FERMT2: variants seen among roughly 807,000 people sequenced by gnomAD.
FERMT2 encodes fermitin family homolog 2.
Under a neutral mutation model 82.7 loss-of-function variants are expected in FERMT2, and 15 were observed. The ratio of observed to expected loss-of-function variants is 0.18; its 90% confidence interval spans 0.12 to 0.28. FERMT2 has a LOEUF of 0.28. Ranked by LOEUF, FERMT2 falls within the 10% of genes least tolerant of loss-of-function variation. FERMT2 has a pLI of 1.00. For missense variants in FERMT2, 645 were observed against 809.4 expected, an observed-to-expected ratio of 0.80 and a Z score of 2.46; for synonymous variants, 274 against 271.5, an observed-to-expected ratio of 1.01 and a Z score of -0.09.
At chr14:52,870,216 C>A (rs7141335) in intron 10 of FERMT2, among the ~76,000 whole-genome samples, 3 of 151,412 alleles carry the variant, frequency 2.0e-5, no homozygotes, top group African/African-American at 7.3e-5. Flanking sequence ...TCCTGCAAGC[C>A]CCATTCATGG....
intron 4 of FERMT2, among the ~76,000 whole-genome samples, chr14:52,884,671 C>T (rs1263461552): frequency 6.6e-6 from 1 of 152,056 alleles, no homozygotes; most frequent in African/African-American, 2.4e-5. Flanking sequence ...TGTACTATAA[C>T]TTACGTAAGC....
chr14:52,888,695 T>C (rs140757344), intron 4 of FERMT2, among the ~76,000 whole-genome samples: 10 of 152,330 alleles, frequency 6.6e-5, no homozygotes, highest in African/African-American at 2.2e-4. Flanking sequence ...TCTTCACCTA[T>C]GGTTTCCAGG....
rs1886281152 is a variant in FERMT2 at position 52,881,298 on chromosome 14, A to C, written c.698T>G (p.Leu233Trp). The change falls in exon 5 of 15, where the codon TTG (leucine) becomes TGG (tryptophan). Residue 233 changes from leucine (L) to tryptophan (W), a missense_variant. By Grantham distance (61) the Leu-to-Trp change is moderately conservative. Transcript: ENST00000341590. ...AGCTTGAGGCTTGAACATTTTTGCC[A>C]AGATTTCTGGTGACGTGATTGGTTG... The part of the protein sequence containing the change: ...VSQPITSPEI[L>W]AKMFKPQALL... The C allele has an allele frequency of 1.2e-6, 2 of 1,613,914 alleles. No homozygotes were observed. Among genetic ancestry groups the C allele is most frequent in the Non-Finnish European group, 1.7e-6 (2 of 1,179,992 alleles).
chr14:52,898,725 G>A (rs956028545), intron 3 of FERMT2, among the ~76,000 whole-genome samples: 3 of 64,214 alleles, frequency 4.7e-5, no homozygotes, highest in African/African-American at 1.0e-4. Flanking sequence ...AGGCAGGGTG[G>A]TGGTGGTACT....
At chr14:52,877,574 C>CTTTTTGTTTTTTT (rs1886041565) in intron 7 of FERMT2, among the ~76,000 whole-genome samples, 1 of 67,062 alleles carries the variant, frequency 1.5e-5, no homozygotes, top group Non-Finnish European at 2.5e-5. Flanking sequence ...GCTGTTCTTG[C>CTTTTTGTTTTTTT]TTTTTTTTTT....
chr14:52,864,726 AT>A lies in FERMT2; in HGVS notation c.1380+20del, dbSNP rs1301387930. 6.9e-6 allele frequency: 11 copies of A among 1,595,174 alleles called. No individual in the cohort carries two copies. Among genetic ancestry groups the A allele is most frequent in the Non-Finnish European group, 8.6e-6 (10 of 1,164,750 alleles). Reference sequence around the variant, plus strand: ...AACTCATTTAAGAAAATTGAAGTGTATTTTTAACTGGAAAACTTACATTGTC... The same window carrying A: ...AACTCATTTAAGAAAATTGAAGTGTATTTTAACTGGAAAACTTACATTGTC... On this transcript the variant is annotated intron_variant, in intron 11 of 14. Coordinates refer to ENST00000341590, the MANE Select transcript of FERMT2 (RefSeq NM_006832.3).
chr14:52,907,861 G>A (rs1465872061), intron 3 of FERMT2, among the ~76,000 whole-genome samples: 1 of 151,812 alleles, frequency 6.6e-6, no homozygotes, highest in East Asian at 1.9e-4. Context: ...TTCATAAATT[G>A]GTCTTCACCA....
intron 2 of FERMT2, among the ~76,000 whole-genome samples, chr14:52,930,044 T>C (rs1471822466): frequency 6.6e-6 from 1 of 152,144 alleles, no homozygotes; most frequent in African/African-American, 2.4e-5. Context: ...AAACCATCAA[T>C]AAAAGCAAAT....
chr14:52,902,390 T>A, intron 3 of FERMT2, among the ~76,000 whole-genome samples: 1 of 113,266 alleles, frequency 8.8e-6, no homozygotes, highest in Admixed American at 1.1e-4. Flanking sequence ...CAAAACTCTG[T>A]CTCAAAACAA....
At position 52,864,588 on chromosome 14, in the gene FERMT2, C is replaced by A; in HGVS notation, c.1415G>T (p.Arg472Ile). Residue 472 changes from arginine to isoleucine, a missense_variant, in exon 12 of 15, where the codon AGA (arginine) becomes ATA (isoleucine). Physicochemically the swap from Arg to Ile is moderately conservative, Grantham distance 97. Transcript: ENST00000341590. ...KQYAHWMAACRLASKGKTMAD... is the reference protein window; with the variant it reads ...KQYAHWMAACILASKGKTMAD... Reference sequence around the variant, plus strand: ...CATGGTCTTGCCTTTGGAGGCTAATCTGCAGGCTGCCATCCAGTGTGCATA... The same window carrying A: ...CATGGTCTTGCCTTTGGAGGCTAATATGCAGGCTGCCATCCAGTGTGCATA... 1 of 1,614,182 alleles carries A rather than the reference C, an allele frequency of 6.2e-7. No homozygotes were observed. Among genetic ancestry groups the A allele is most frequent in the Non-Finnish European group, 8.5e-7 (1 of 1,180,030 alleles).
chr14:52,894,595 G>A (rs1317554115), intron 3 of FERMT2, among the ~76,000 whole-genome samples: 2 of 151,996 alleles, frequency 1.3e-5, no homozygotes, highest in Non-Finnish European at 2.9e-5. Flanking sequence ...AAACAGAAGA[G>A]GGCCCCCAAA....
At position 52,917,962 on chromosome 14, in the gene FERMT2, T is replaced by G. The variant is rs142899622; in HGVS notation, c.391+1161A>C. ...TGCCCACAGGCTCTAGCAGTGAGTG[T>G]GGGTGCTGACACCAGCAAGGAAGAT... is the stretch of plus-strand genomic sequence containing the variant. On this transcript the variant is annotated intron_variant, in intron 3 of 14. Coordinates refer to ENST00000341590, the MANE Select transcript of FERMT2 (RefSeq NM_006832.3). Among the ~76,000 whole-genome samples the G allele has an allele frequency of 2.7e-3, 405 of 152,342 alleles. 3 individuals carry two copies. The highest frequency in any genetic ancestry group is 9.3e-3 in the African/African-American group (386 of 41,584).
At chr14:52,897,973 T>C (rs1254270616) in intron 3 of FERMT2, among the ~76,000 whole-genome samples, 2 of 47,184 alleles carry the variant, frequency 4.2e-5, no homozygotes, top group African/African-American at 1.3e-4. Flanking sequence ...TGAAACTCCG[T>C]CTCAAAAAAA....
At chr14:52,930,598 A>T (rs1168305016) in intron 2 of FERMT2, among the ~76,000 whole-genome samples, 3 of 152,202 alleles carry the variant, frequency 2.0e-5, no homozygotes, top group Non-Finnish European at 4.4e-5. Flanking sequence ...ATTGTAGGGC[A>T]CCTGGCTACT....
In FERMT2 at chr14:52,872,851, A is replaced by G. The variant is rs1246783160; in HGVS notation, c.1221T>C (p.Tyr407=). Residue 407 remains tyrosine (Y), a synonymous_variant, in exon 10 of 15, where the codon TAT becomes TAC. Transcript: ENST00000341590. ...TGCCACTGGATTCTTCTTTGCTCTT[A>G]TAACAAGAAATGGATGTGTCTTTGA... The part of the protein sequence containing the change: ...CTFKDTSISC[Y]KSKEESSGTP... The G allele has an allele frequency of 1.9e-6, 3 of 1,613,886 alleles. No individual in the cohort carries two copies. The highest frequency in any genetic ancestry group is 8.5e-7 in the Non-Finnish European group (1 of 1,179,884).
chr14:52,890,598 C>T (rs905682560), intron 4 of FERMT2, among the ~76,000 whole-genome samples: 5 of 120,082 alleles, frequency 4.2e-5, no homozygotes, highest in Non-Finnish European at 1.7e-5. Flanking sequence ...TAGACATAAT[C>T]TTTTATCCTC....
chr14:52,923,335 C>T (rs1889069869), intron 2 of FERMT2, among the ~76,000 whole-genome samples: 1 of 151,886 alleles, frequency 6.6e-6, no homozygotes, highest in Non-Finnish European at 1.5e-5. Flanking sequence ...ACTTCTGCAC[C>T]ACAACATTAG....
At chr14:52,873,907 T>C (rs946033659) in intron 9 of FERMT2, among the ~76,000 whole-genome samples, 5 of 149,022 alleles carry the variant, frequency 3.4e-5, no homozygotes, top group Non-Finnish European at 1.5e-5. Context: ...ACTGTATTAC[T>C]ATGTTTCAGC....
intron 2 of FERMT2, among the ~76,000 whole-genome samples, chr14:52,924,357 TA>T (rs1240927394): frequency 2.6e-5 from 4 of 152,202 alleles, no homozygotes; most frequent in African/African-American, 9.7e-5. Flanking sequence ...GAGCAGCTTT[TA>T]AAAAATACTG....
Sources: allele counts gnomAD v4.1 joint callset (sites outside exome capture counted in the v4.1 genomes callset), GRCh38; gene constraint gnomAD v4.1.1; transcripts MANE v1.5; gene names NCBI Gene and HGNC (gene_info 2026-07-23, HGNC 2026-07-21).